Variants in TLL2 observed in about 807,000 individuals in gnomAD.
TLL2 encodes tolloid like 2, also known as tolloid-like protein 2.
A neutral mutation model predicts 123.0 loss-of-function variants in TLL2; 106 were observed. The ratio of observed to expected loss-of-function variants is 0.86; its 90% CI spans 0.74 to 1.01. The LOEUF (loss-of-function observed/expected upper bound fraction) is 1.01. TLL2 is among the 50% of genes least tolerant of loss of function. The pLI is 0.00. For synonymous variants in TLL2, 494 were observed against 516.8 expected, an observed-to-expected ratio of 0.96 and a Z score of 0.60; for missense variants, 1,332 against 1,336.7, an observed-to-expected ratio of 1.00 and a Z score of 0.06.
chr10:96,382,348 C>T lies in TLL2; in HGVS notation c.2194+2239G>A, dbSNP rs985656034. On this transcript the variant is annotated intron_variant, in intron 16 of 20. Coordinates refer to ENST00000357947, the MANE Select transcript of TLL2 (RefSeq NM_012465.4). ...CCGGCCATGAATTTCAAGATGATGACAACAGAACCTTAAATTAGTGTGGGC... is the reference window on the plus strand; with the variant it reads ...CCGGCCATGAATTTCAAGATGATGATAACAGAACCTTAAATTAGTGTGGGC... 3.9e-5 allele frequency among the ~76,000 whole-genome samples: 6 copies of T among 152,324 alleles called. No individual in the cohort carries two copies. In the South Asian group the frequency reaches 1.2e-3, roughly 32 times the overall value.
chr10:96,372,064 C>T (rs79977181), intron 19 of TLL2, among the ~76,000 whole-genome samples: 21,569 of 152,068 alleles, frequency 0.14, 1,584 homozygotes, highest in South Asian at 0.23. Flanking sequence ...CAAATAATGA[C>T]TCTGAATGTG....
intron 2 of TLL2, among the ~76,000 whole-genome samples, chr10:96,476,065 C>T (rs1241235477): frequency 1.3e-5 from 2 of 151,506 alleles, no homozygotes; most frequent in African/African-American, 2.4e-5. Flanking sequence ...TGCCCAGTCT[C>T]GGGTACACCT....
At chr10:96,368,309 G>A in intron 20 of TLL2, 87 bp from the exon 21 acceptor site, 3 of 1,491,832 alleles carry the variant, frequency 2.0e-6, no homozygotes, top group Non-Finnish European at 1.8e-6. Context: ...CTTATGCAAG[G>A]ACACAGGATG....
rs917135664 is a variant in TLL2 at position 96,376,742 on chromosome 10, T to C, written c.2398A>G (p.Arg800Gly). 1.9e-6 allele frequency: 3 copies of C among 1,606,924 alleles called. No homozygotes were observed. The highest frequency in any genetic ancestry group is 2.5e-6 in the Non-Finnish European group (3 of 1,177,124). ...GAAGAGATGTTCCAGGTACACTCCC[T>C]CCGGCTGGGGTATTTGTCAGGCCAG... is the stretch of plus-strand genomic sequence containing the variant. ...PNWPDKYPSR[R>G]ECTWNISSTA... Residue 800 changes from arginine (R) to glycine (G), a missense_variant, in exon 18 of 21, where the codon AGG becomes GGG. Physicochemically the swap from Arg to Gly is moderately radical, Grantham distance 125. Coordinates refer to ENST00000357947, the MANE Select transcript of TLL2 (RefSeq NM_012465.4).
chr10:96,378,184 TCTC>T (rs1000357272), intron 17 of TLL2, among the ~76,000 whole-genome samples: 27 of 152,374 alleles, frequency 1.8e-4, no homozygotes, highest in African/African-American at 6.0e-4. Context: ...CCCAGCCAAA[TCTC>T]CTAAATCCAG....
intron 2 of TLL2, among the ~76,000 whole-genome samples, chr10:96,468,769 C>T (rs1195685399): frequency 6.6e-6 from 1 of 152,194 alleles, no homozygotes; most frequent in Non-Finnish European, 1.5e-5. Context: ...CCCACCGTGG[C>T]CCCAGGTGGA....
chr10:96,506,143 T>TGAG lies in TLL2; in HGVS notation c.175+7367_175+7368insCTC. Among the ~76,000 whole-genome samples the TGAG allele has an allele frequency of 2.0e-5, 3 of 147,740 alleles. No homozygotes were observed. In the South Asian group the frequency reaches 6.5e-4, roughly 32 times the overall value. ...GGCGGGCGTCTGTAATCCCAGCTAC[T>TGAG]CAGGAGGCTGAGGCAGGACAATCAA... On this transcript the variant is annotated intron_variant, in intron 1 of 20. Transcript: ENST00000357947.
intron 1 of TLL2, among the ~76,000 whole-genome samples, chr10:96,493,115 G>A (rs573860336): frequency 1.7e-4 from 26 of 152,286 alleles, no homozygotes; most frequent in Middle Eastern, 3.4e-3. Context: ...GGCTCCTCTC[G>A]CTCCTCTAGC....
In TLL2 at chr10:96,498,474, TACATTTTCCTCATA is replaced by T. The variant is rs527486335; in HGVS notation, c.175+15023_175+15036del. 1.5e-3 allele frequency among the ~76,000 whole-genome samples: 224 copies of T among 152,358 alleles called. 1 individual carries two copies. The highest frequency in any genetic ancestry group is 0.012 in the South Asian group (59 of 4,830). Reference sequence around the variant, plus strand: ...GTAGTGGGCCTGTTGCCATTTTGACTACATTTTCCTCATAAAGGTCCAGCCAGTTTAGCTTATTG... The same window carrying T: ...GTAGTGGGCCTGTTGCCATTTTGACTAAGGTCCAGCCAGTTTAGCTTATTG... On this transcript the variant is annotated intron_variant, in intron 1 of 20. Coordinates refer to ENST00000357947, the MANE Select transcript of TLL2 (RefSeq NM_012465.4).
At chr10:96,376,924 G>T in intron 17 of TLL2, 105 bp from the exon 18 acceptor site, 7 of 1,268,046 alleles carry the variant, frequency 5.5e-6, no homozygotes, top group Non-Finnish European at 6.2e-6. Context: ...ATTGTCTCAG[G>T]GTCTTTATCA....
intron 1 of TLL2, among the ~76,000 whole-genome samples, chr10:96,512,224 C>A (rs1847638695): frequency 6.6e-6 from 1 of 152,182 alleles, no homozygotes; most frequent in African/African-American, 2.4e-5. Flanking sequence ...CTGGTCTTCC[C>A]CAGACTTTAC....
At chr10:96,403,876 AAT>A (rs1370716563) in intron 10 of TLL2, among the ~76,000 whole-genome samples, 1 of 152,138 alleles carries the variant, frequency 6.6e-6, no homozygotes, top group Non-Finnish European at 1.5e-5. Context: ...TGTTTGCAGC[AAT>A]GCTGCCTTGT....
At chr10:96,371,730 A>G (rs975773222) in intron 19 of TLL2, among the ~76,000 whole-genome samples, 70 of 152,120 alleles carry the variant, frequency 4.6e-4, no homozygotes, top group African/African-American at 1.6e-3. Context: ...GGGCCCCGTG[A>G]GACAGACCCC....
chr10:96,450,343 C>T (rs1351018099), intron 2 of TLL2, among the ~76,000 whole-genome samples: 1 of 132,452 alleles, frequency 7.5e-6, no homozygotes, highest in African/African-American at 2.7e-5. Context: ...ACTTTGGCTG[C>T]GATTTGAATC....
At chr10:96,381,427 G>C (rs1425499292) in intron 16 of TLL2, among the ~76,000 whole-genome samples, 3 of 152,170 alleles carry the variant, frequency 2.0e-5, no homozygotes, top group African/African-American at 4.8e-5. Flanking sequence ...ATGGGTCAGG[G>C]CTCCATGCAG....
intron 10 of TLL2, among the ~76,000 whole-genome samples, chr10:96,401,026 C>T (rs370265140): frequency 3.2e-4 from 49 of 152,228 alleles, no homozygotes; most frequent in African/African-American, 1.2e-3. Context: ...ACTAAGCAGG[C>T]TGGAGAGAAA....
At position 96,422,536 on chromosome 10, in the gene TLL2, C is replaced by A; in HGVS notation, c.817+13G>T. On this transcript the variant is annotated intron_variant, in intron 6 of 20. Transcript: ENST00000357947. ...CGACCGGTGCCTTCCAGACTCCACACAGGCCTCCTTACCTGGCTGGATGTT... is the reference window on the plus strand; with the variant it reads ...CGACCGGTGCCTTCCAGACTCCACAAAGGCCTCCTTACCTGGCTGGATGTT... 1 of 1,613,806 alleles carries A rather than the reference C, an allele frequency of 6.2e-7. No homozygotes were observed.
rs371085828 is a variant in TLL2 at position 96,376,785 on chromosome 10, C to A, written c.2355G>T (p.Gly785=). The A allele has an allele frequency of 1.9e-6, 3 of 1,586,124 alleles. No homozygotes were observed. The highest frequency in any genetic ancestry group is 1.7e-4 in the Middle Eastern group (1 of 5,982). The stretch of plus-strand genomic sequence containing the variant: ...CAGGCCAGTTGGGGCTCGCCAGGGT[C>A]CCCTCCACACTGCTGATCTTGTGTG... ...GCAHKISSVE[G]TLASPNWPDK... The change falls in exon 18 of 21, where the codon GGG becomes GGT. Residue 785 remains glycine, a synonymous_variant. Coordinates refer to ENST00000357947, the MANE Select transcript of TLL2 (RefSeq NM_012465.4).
intron 4 of TLL2, among the ~76,000 whole-genome samples, chr10:96,431,796 G>A (rs544259662): frequency 1.3e-5 from 2 of 152,278 alleles, no homozygotes; most frequent in Non-Finnish European, 2.9e-5. Flanking sequence ...AGGCGCTGGT[G>A]GGGGGAGGGC....
Sources: gnomAD v4.1 joint callset for allele counts (sites outside exome capture counted in the v4.1 genomes callset) on GRCh38, gnomAD v4.1.1 for gene constraint, MANE v1.5 for transcripts, NCBI Gene and HGNC (gene_info 2026-07-23, HGNC 2026-07-21) for gene names.